CDKAL1: variants seen among roughly 807,000 people sequenced by gnomAD.
CDKAL1 encodes the protein CDKAL1 threonylcarbamoyladenosine tRNA methylthiotransferase.
A neutral mutation model predicts 68.2 loss-of-function variants in CDKAL1; 32 were observed. The ratio of observed to expected loss-of-function variants is 0.47; its 90% CI spans 0.35 to 0.63. CDKAL1 has a LOEUF of 0.63. Among genes scored for constraint, CDKAL1 ranks in the 30% least tolerant of loss-of-function variants. CDKAL1 has a pLI of 0.00. For missense variants in CDKAL1, 606 were observed against 696.7 expected (o/e 0.87, Z 1.47); for synonymous variants, 234 against 244.3 (o/e 0.96, Z 0.39).
At chr6:20,930,895 C>A (rs988254537) in intron 9 of CDKAL1, among the ~76,000 whole-genome samples, 2 of 152,112 alleles carry the variant, frequency 1.3e-5, no homozygotes, top group Non-Finnish European at 2.9e-5. Flanking sequence ...CAGGCACCTG[C>A]CACCGCGCCC....
At chr6:20,911,397 C>T (rs986275012) in intron 9 of CDKAL1, among the ~76,000 whole-genome samples, 3 of 152,194 alleles carry the variant, frequency 2.0e-5, no homozygotes, top group Non-Finnish European at 2.9e-5. Context: ...AGGAGGCGCT[C>T]TGTTGAGTTA....
intron 11 of CDKAL1, among the ~76,000 whole-genome samples, chr6:21,032,278 T>C (rs1351088568): frequency 6.6e-6 from 1 of 152,100 alleles, no homozygotes; most frequent in Non-Finnish European, 1.5e-5. Context: ...TTTGTAGAGA[T>C]GGGGTTTCAC....
intron 6 of CDKAL1, chr6:20,756,857 TTCCTTCCTTCCTTC>T (rs1561750048): frequency 2.2e-4 from 8 of 36,732 alleles, no homozygotes; most frequent in Non-Finnish European, 3.4e-4. Flanking sequence ...CCTTCTCCCC[TTCCTTCCTTCCTTC>T]CTTCCTTCCT....
chr6:21,078,456 T>C (rs4599624), intron 12 of CDKAL1, among the ~76,000 whole-genome samples: 4,140 of 152,334 alleles, frequency 0.027, 175 homozygotes, highest in East Asian at 0.2. Flanking sequence ...CTGAGCCCTT[T>C]AATGTATTTC....
At chr6:20,928,631 C>T (rs964174236) in intron 9 of CDKAL1, among the ~76,000 whole-genome samples, 6 of 150,382 alleles carry the variant, frequency 4.0e-5, no homozygotes, top group African/African-American at 1.2e-4. Flanking sequence ...ATTGAAAGAA[C>T]TACAATTAAA....
intron 5 of CDKAL1, among the ~76,000 whole-genome samples, chr6:20,719,508 A>G (rs188982198): frequency 5.3e-5 from 8 of 152,276 alleles, no homozygotes; most frequent in Non-Finnish European, 1.2e-4. Context: ...GGGTTCTGAG[A>G]TACATAGGAA....
chr6:21,075,026 G>A (rs140246791), intron 12 of CDKAL1, among the ~76,000 whole-genome samples: 1 of 152,012 alleles, frequency 6.6e-6, no homozygotes, highest in East Asian at 1.9e-4. Context: ...AGAATAATCA[G>A]TGAACATATG....
intron 11 of CDKAL1, among the ~76,000 whole-genome samples, chr6:21,046,869 C>T (rs769581006): frequency 9.2e-5 from 14 of 152,192 alleles, no homozygotes; most frequent in South Asian, 4.1e-4. Context: ...CAAAAATAGA[C>T]GCAAGCAACT....
At chr6:20,610,489 G>A (rs1220013363) in intron 4 of CDKAL1, among the ~76,000 whole-genome samples, 1 of 142,584 alleles carries the variant, frequency 7.0e-6, no homozygotes, top group African/African-American at 2.5e-5. Flanking sequence ...TGTGGAAAAC[G>A]TTTTTTTTTC....
intron 13 of CDKAL1, among the ~76,000 whole-genome samples, chr6:21,173,882 C>A (rs1269392413): frequency 6.6e-6 from 1 of 152,114 alleles, no homozygotes; most frequent in Non-Finnish European, 1.5e-5. Flanking sequence ...CCAGCCTGGG[C>A]AACATAGTGA....
chr6:21,100,581 C>G (rs1305519123), intron 12 of CDKAL1, among the ~76,000 whole-genome samples: 2 of 152,092 alleles, frequency 1.3e-5, no homozygotes, highest in African/African-American at 4.8e-5. Context: ...TCTTTGTTTT[C>G]CCTGCCACCC....
chr6:21,093,747 T>A, intron 12 of CDKAL1, among the ~76,000 whole-genome samples: 2 of 125,450 alleles, frequency 1.6e-5, no homozygotes, highest in East Asian at 2.4e-4. Context: ...AGACAGGGCC[T>A]CTCTGTCTTC....
At chr6:20,674,870 C>T (rs560651509) in intron 5 of CDKAL1, among the ~76,000 whole-genome samples, 1 of 152,334 alleles carries the variant, frequency 6.6e-6, no homozygotes, top group South Asian at 2.1e-4. Context: ...TCTCCAGACT[C>T]ATCCATGTAT....
chr6:20,622,373 A>G (rs1767233462), intron 4 of CDKAL1, among the ~76,000 whole-genome samples: 2 of 152,156 alleles, frequency 1.3e-5, no homozygotes, highest in Non-Finnish European at 1.5e-5. Context: ...TAAAAAAACT[A>G]AGGATTGGAT....
chr6:20,973,641 G>T (rs1275566412), intron 10 of CDKAL1, among the ~76,000 whole-genome samples: 2 of 152,172 alleles, frequency 1.3e-5, no homozygotes, highest in African/African-American at 4.8e-5. Flanking sequence ...GCCTTGCTCT[G>T]TCACCCAGGC....
chr6:20,715,903 A>C (rs956083561), intron 5 of CDKAL1, among the ~76,000 whole-genome samples: 1 of 152,188 alleles, frequency 6.6e-6, no homozygotes, highest in Non-Finnish European at 1.5e-5. Flanking sequence ...GATAGAATTT[A>C]CCATTTTGTT....
intron 4 of CDKAL1, among the ~76,000 whole-genome samples, chr6:20,570,205 G>A (rs758618852): frequency 5.3e-5 from 8 of 152,172 alleles, no homozygotes; most frequent in Admixed American, 2.0e-4. Flanking sequence ...TTGGGTTCAA[G>A]CGATTCTCCT....
chr6:20,582,313 T>C (rs950368916), intron 4 of CDKAL1, among the ~76,000 whole-genome samples: 3 of 152,146 alleles, frequency 2.0e-5, no homozygotes, highest in African/African-American at 7.2e-5. Context: ...ATTTTCCCAA[T>C]GAGAATATTA....
intron 13 of CDKAL1, among the ~76,000 whole-genome samples, chr6:21,172,824 A>G (rs1436167469): frequency 6.6e-6 from 1 of 152,218 alleles, no homozygotes; most frequent in African/African-American, 2.4e-5. Flanking sequence ...ATTTAATGAC[A>G]TTTTCAGTTG....
Sources: allele counts gnomAD v4.1 joint callset (sites outside exome capture counted in the v4.1 genomes callset), GRCh38; gene constraint gnomAD v4.1.1; transcripts MANE v1.5; gene names NCBI Gene and HGNC (gene_info 2026-07-23, HGNC 2026-07-21).